The following XKR4 variants were observed in gnomAD, a reference collection of about 807,000 sequenced individuals.
The protein encoded by XKR4 is XK related 4, also known as XK-related protein 4.
A neutral mutation model predicts 53.9 loss-of-function variants in XKR4; 12 were observed. The observed-to-expected ratio is 0.22, with a 90% CI of 0.14 to 0.36. XKR4 has a LOEUF of 0.36. Ranked by LOEUF, XKR4 falls within the 10% of genes least tolerant of loss-of-function variation. XKR4 has a pLI of 1.00. For synonymous variants in XKR4, 354 were observed against 362.4 expected, an observed-to-expected ratio of 0.98 and a Z score of 0.26; for missense variants, 799 against 859.5, an observed-to-expected ratio of 0.93 and a Z score of 0.88.
intron 2 of XKR4, among the ~76,000 whole-genome samples, chr8:55,417,060 T>G (rs1016595288): frequency 1.3e-5 from 2 of 152,178 alleles, no homozygotes; most frequent in Non-Finnish European, 2.9e-5. Flanking sequence ...CCTCTGAAGG[T>G]GGGAGCCAGG....
Position 55,452,803 on chromosome 8 carries a change from C to G in XKR4, c.1007-70478C>G, listed in dbSNP as rs1477972479. 7.7e-6 allele frequency: 6 copies of G among 779,338 alleles called. No homozygotes were observed. In the African/African-American group the frequency reaches 1.0e-4, roughly 13 times the overall value. The allele number at this position is 779,338 out of a possible 1,614,324, so 48.3% of individuals were successfully genotyped here. A position where few individuals can be genotyped will look rare whatever the true frequency, so the allele number is the denominator to read the frequency against. Reference sequence around the variant, plus strand: ...ACACTGCCAGCCATGCTGTTGGGGACCAGGCTGTTGCTGGTGCTCTCCAGG... The same window carrying G: ...ACACTGCCAGCCATGCTGTTGGGGAGCAGGCTGTTGCTGGTGCTCTCCAGG... On this transcript the variant is annotated intron_variant, in intron 2 of 2. Coordinates refer to ENST00000327381, the MANE Select transcript of XKR4 (RefSeq NM_052898.2).
intron 1 of XKR4, among the ~76,000 whole-genome samples, chr8:55,280,079 A>C (rs990343775): frequency 5.3e-5 from 8 of 152,180 alleles, no homozygotes; most frequent in African/African-American, 1.9e-4. Context: ...AATGCAAGCT[A>C]TCTGATATTA....
intron 2 of XKR4, chr8:55,452,553 A>G: frequency 1.4e-6 from 1 of 726,192 alleles, no homozygotes; most frequent in Non-Finnish European, 2.4e-6. Context: ...GGGTTTCTAG[A>G]TGGGCATCAG....
intron 2 of XKR4, among the ~76,000 whole-genome samples, chr8:55,502,567 T>A (rs937131470): frequency 6.6e-6 from 1 of 151,838 alleles, no homozygotes. Flanking sequence ...TGCCCATTTC[T>A]AAATTGAATT....
Position 55,269,674 on chromosome 8 carries a change from A to G in XKR4, c.807-88004A>G, listed in dbSNP as rs142110298. Among the ~76,000 whole-genome samples the G allele has an allele frequency of 2.0e-3, 310 of 152,296 alleles. 1 individual carries two copies. Among genetic ancestry groups the G allele is most frequent in the Middle Eastern group, 0.01 (3 of 294 alleles). On this transcript the variant is annotated intron_variant, in intron 1 of 2. Transcript: ENST00000327381. ...AAGTGTTGAGAAACTGGCCTTCCTT[A>G]AAAAGTTAGCACCCGATCAGAGCTA...
chr8:55,349,638 C>G (rs912145659), intron 1 of XKR4, among the ~76,000 whole-genome samples: 1 of 152,100 alleles, frequency 6.6e-6, no homozygotes, highest in South Asian at 2.1e-4. Context: ...GACGTTCAGG[C>G]AAATCACAGA....
intron 1 of XKR4, among the ~76,000 whole-genome samples, chr8:55,158,272 T>C (rs1441949210): frequency 2.0e-5 from 3 of 152,220 alleles, no homozygotes; most frequent in African/African-American, 7.2e-5. Flanking sequence ...TTGAGGATTT[T>C]TAAATGTTTG....
At chr8:55,513,846 C>T (rs1016670938) in intron 2 of XKR4, among the ~76,000 whole-genome samples, 5 of 152,280 alleles carry the variant, frequency 3.3e-5, no homozygotes, top group Middle Eastern at 6.8e-3. Context: ...GTAAGGACTT[C>T]GAAGTCAGAA....
chr8:55,177,995 A>T (rs989125992), intron 1 of XKR4, among the ~76,000 whole-genome samples: 1 of 152,174 alleles, frequency 6.6e-6, no homozygotes, highest in African/African-American at 2.4e-5. Context: ...GTGCTCCAAA[A>T]TTTATATTAT....
chr8:55,434,634 A>G (rs201725711), intron 2 of XKR4, among the ~76,000 whole-genome samples: 1 of 152,166 alleles, frequency 6.6e-6, no homozygotes, highest in African/African-American at 2.4e-5. Flanking sequence ...TTATCATACA[A>G]TGTTTGCAAA....
At chr8:55,193,972 C>T (rs1014342943) in intron 1 of XKR4, among the ~76,000 whole-genome samples, 1 of 152,176 alleles carries the variant, frequency 6.6e-6, no homozygotes, top group African/African-American at 2.4e-5. Context: ...TTCCTGTCCC[C>T]TGGGGCCCTG....
intron 2 of XKR4, among the ~76,000 whole-genome samples, chr8:55,485,075 T>A (rs1806172517): frequency 6.6e-6 from 1 of 152,236 alleles, no homozygotes; most frequent in Non-Finnish European, 1.5e-5. Context: ...CCATTCATGA[T>A]AAAAATTCTC....
intron 1 of XKR4, among the ~76,000 whole-genome samples, chr8:55,186,483 G>T (rs559959046): frequency 6.6e-6 from 1 of 151,720 alleles, no homozygotes; most frequent in South Asian, 2.1e-4. Context: ...GTGAAACCCC[G>T]TCTCTACTAA....
intron 2 of XKR4, among the ~76,000 whole-genome samples, chr8:55,441,189 G>C (rs920546349): frequency 3.0e-4 from 45 of 152,194 alleles, no homozygotes; most frequent in African/African-American, 1.1e-3. Flanking sequence ...GCAGTGAACT[G>C]TGATTGGACT....
intron 1 of XKR4, among the ~76,000 whole-genome samples, chr8:55,206,585 A>C (rs1050266019): frequency 1.3e-5 from 2 of 152,224 alleles, no homozygotes; most frequent in African/African-American, 2.4e-5. Flanking sequence ...GAGATGAAAA[A>C]AAATAAACCT....
intron 2 of XKR4, among the ~76,000 whole-genome samples, chr8:55,435,699 A>AT (rs72534420): frequency 0.024 from 5 of 210 alleles, no homozygotes; most frequent in South Asian, 0.19. Context: ...CCTCCTGAAT[A>AT]GTGGGACCCC....
rs774086162 is a variant in XKR4 at position 55,103,278 on chromosome 8, C to T, written c.790C>T (p.Leu264Phe). The change falls in exon 1 of 3, where the codon CTC (leucine) becomes TTC (phenylalanine). Residue 264 changes from leucine (L) to phenylalanine (F), a missense_variant. Around this residue, in one of 3 missense-constraint regions of XKR4, gnomAD observed 476 missense variants for 505.4 expected, o/e 0.94. Transcript: ENST00000327381. ...GCAGTCACTCATCCACATCTTGCAG[C>T]TCGGGCAAATCTGGAGGTACTGTAA... Reference protein sequence around the residue: ...LLQSLIHILQLGQIWRYFHTI... With the variant: ...LLQSLIHILQFGQIWRYFHTI... The T allele has an allele frequency of 3.1e-6, 5 of 1,607,858 alleles. No individual in the cohort carries two copies.
intron 1 of XKR4, among the ~76,000 whole-genome samples, chr8:55,176,680 G>A (rs554220386): frequency 6.6e-6 from 1 of 152,224 alleles, no homozygotes; most frequent in South Asian, 2.1e-4. Flanking sequence ...TGAGAATCAT[G>A]TGTTTCTTGT....
chr8:55,413,006 C>G (rs954825941), intron 2 of XKR4, among the ~76,000 whole-genome samples: 2 of 152,222 alleles, frequency 1.3e-5, no homozygotes, highest in Non-Finnish European at 2.9e-5. Context: ...TTGACAGCAA[C>G]GTTCTGCTCT....
Sources: allele counts gnomAD v4.1 joint callset (sites outside exome capture counted in the v4.1 genomes callset), GRCh38; gene constraint gnomAD v4.1.1; regional missense constraint gnomAD v4.1.1; transcripts MANE v1.5; gene names NCBI Gene and HGNC (gene_info 2026-07-23, HGNC 2026-07-21).